PRDM10: variants seen among roughly 807,000 people sequenced by gnomAD.
PRDM10 encodes the protein PR/SET domain 10, also known as PR domain zinc finger protein 10.
In PRDM10, 65 loss-of-function variants were observed where a neutral mutation model predicts 133.1. The observed-to-expected ratio is 0.49, with a 90% CI of 0.40 to 0.60. The LOEUF is 0.60. PRDM10 is among the 20% of genes least tolerant of loss of function. The pLI is 0.00. For missense variants in PRDM10, 1,137 were observed against 1,507.1 expected, an observed-to-expected ratio of 0.75 and a Z score of 4.07; for synonymous variants, 582 against 580.4, an observed-to-expected ratio of 1.00 and a Z score of -0.04.
At chr11:129,944,485 T>C (rs1420128554) in intron 6 of PRDM10, among the ~76,000 whole-genome samples, 1 of 150,222 alleles carries the variant, frequency 6.7e-6, no homozygotes, top group Non-Finnish European at 1.5e-5. Flanking sequence ...CTCGGGAGGC[T>C]GAGGCAGGAG....
At chr11:129,944,320 C>A (rs562377368) in intron 6 of PRDM10, among the ~76,000 whole-genome samples, 2 of 151,992 alleles carry the variant, frequency 1.3e-5, no homozygotes, top group Non-Finnish European at 1.5e-5. Flanking sequence ...CTCGGCCGGG[C>A]GCGGTGGCTC....
intron 1 of PRDM10, among the ~76,000 whole-genome samples, chr11:129,990,391 G>A (rs1015824119): frequency 1.2e-4 from 18 of 150,716 alleles, no homozygotes; most frequent in African/African-American, 3.7e-4. Context: ...GCGTGGTGGC[G>A]CATGCCTGTA....
In PRDM10 at chr11:129,931,069, G is replaced by A. The variant is rs1473910146; in HGVS notation, c.1477C>T (p.Pro493Ser). Residue 493 changes from proline (P) to serine (S), a missense_variant, in exon 11 of 21, where the codon CCC (proline) becomes TCC (serine). Physicochemically the swap from Pro to Ser is moderately conservative, Grantham distance 74 (BLOSUM62 -1). This residue lies in a region of PRDM10 where 635 missense variants were observed against 835.2 expected (regional missense o/e 0.76). Coordinates refer to ENST00000360871, the MANE Select transcript of PRDM10 (RefSeq NM_199437.2). Reference sequence around the variant, plus strand: ...TCGGCTGTCAGCGTGCTCTGGGTGGGCACCACGCTCTCTTCATGCTGCGGC... The same window carrying A: ...TCGGCTGTCAGCGTGCTCTGGGTGGACACCACGCTCTCTTCATGCTGCGGC... ...LQPQHEESVV[P>S]TQSTLTADDM... 6.2e-7 allele frequency: 1 copy of A among 1,614,154 alleles called. No homozygotes were observed. Among genetic ancestry groups the A allele is most frequent in the Non-Finnish European group, 8.5e-7 (1 of 1,180,020 alleles).
At position 129,918,824 on chromosome 11, in the gene PRDM10, T is replaced by TC. The variant is rs1950437138; in HGVS notation, c.2035-107dup. 8.6e-7 allele frequency: 1 copy of TC among 1,168,042 alleles called. No individual in the cohort carries two copies. Among genetic ancestry groups the TC allele is most frequent in the East Asian group, 2.4e-5 (1 of 41,804 alleles). 72.4% of individuals were successfully genotyped at this position (1,168,042 alleles called of 1,614,324 possible). ...TACAAATTAGCAGTCACCACAAGCC[T>TC]CCAAGAGACATTTGAGTTGCTGGAA... On this transcript the variant is annotated intron_variant, in intron 13 of 20. Transcript: ENST00000360871. The surrounding 1 kb of genome is among the most constrained non-coding windows in gnomAD (Gnocchi z 5.3).
Position 129,918,845 on chromosome 11 carries a change from T to A in PRDM10, c.2035-127A>T. 1 of 945,876 alleles carries A rather than the reference T, an allele frequency of 1.1e-6. No individual in the cohort carries two copies. Among genetic ancestry groups the A allele is most frequent in the Non-Finnish European group, 1.6e-6 (1 of 624,406 alleles). 58.6% of individuals were successfully genotyped at this position (945,876 alleles called of 1,614,324 possible). ...AGCCTCCAAGAGACATTTGAGTTGC[T>A]GGAACACTAGGACGCAGACATGTTA... On this transcript the variant is annotated intron_variant, in intron 13 of 20. Transcript: ENST00000360871. The surrounding 1 kb of genome is among the most constrained non-coding windows in gnomAD (Gnocchi z 5.3).
rs111388550 is a variant in PRDM10 at position 129,935,568 on chromosome 11, T to C, written c.1040-350A>G. On this transcript the variant is annotated intron_variant, in intron 8 of 20. Transcript: ENST00000360871. ...ATAACCTAGCGATTCAGACCCAGGT[T>C]TCCTAATCTGAGGGTATATTTTAGC... Among the ~76,000 whole-genome samples the C allele has an allele frequency of 2.7e-3, 417 of 152,300 alleles. 2 individuals are homozygous for C. Among genetic ancestry groups the C allele is most frequent in the African/African-American group, 9.7e-3 (402 of 41,546 alleles).
At chr11:129,938,022 T>G (rs1951088512) in intron 7 of PRDM10, among the ~76,000 whole-genome samples, 2 of 152,218 alleles carry the variant, frequency 1.3e-5, no homozygotes, top group Admixed American at 1.3e-4. Flanking sequence ...TCATAGTGGT[T>G]GCCACCAAAC....
chr11:129,923,516 ACC>A lies in PRDM10; in HGVS notation c.1879-115_1879-114del. On this transcript the variant is annotated intron_variant, in intron 12 of 20. Transcript: ENST00000360871. The surrounding 1 kb of genome is among the most constrained non-coding windows in gnomAD (Gnocchi z 4.4). ...AACGCATTACCATGGGTTTTCATCA[ACC>A]CCGCCGAGGAATCCAATCAGATGTG... 1 of 1,172,778 alleles carries A rather than the reference ACC, an allele frequency of 8.5e-7. No individual in the cohort carries two copies. Among genetic ancestry groups the A allele is most frequent in the Non-Finnish European group, 1.2e-6 (1 of 862,522 alleles). 72.6% of individuals were successfully genotyped at this position (1,172,778 alleles called of 1,614,324 possible).
intron 1 of PRDM10, among the ~76,000 whole-genome samples, chr11:129,969,412 C>A (rs1040042529): frequency 1.3e-5 from 2 of 152,098 alleles, no homozygotes; most frequent in Non-Finnish European, 2.9e-5. Flanking sequence ...TTGGATTTAC[C>A]ACTTACAGCT....
chr11:129,935,064 T>C, intron 9 of PRDM10, 37 bp downstream of exon 9: 2 of 1,529,860 alleles, frequency 1.3e-6, no homozygotes, highest in Non-Finnish European at 9.1e-7. Flanking sequence ...TGAACCTTTA[T>C]GAACTCAGTC....
chr11:129,996,183 G>GT (rs1485356076), intron 1 of PRDM10, among the ~76,000 whole-genome samples: 1 of 152,128 alleles, frequency 6.6e-6, no homozygotes, highest in African/African-American at 2.4e-5. Context: ...ACAATACAAC[G>GT]TAAGCACTGA....
At chr11:129,937,454 G>A in intron 8 of PRDM10, 144 bp downstream of exon 8, 1 of 585,614 alleles carries the variant, frequency 1.7e-6, no homozygotes, top group Non-Finnish European at 2.9e-6. Flanking sequence ...CACTGAATTA[G>A]ATGGAGATGT....
rs551585039 is a variant in PRDM10, at chr11:129,931,733, A to AT, written c.1287+368dup. Among the ~76,000 whole-genome samples, 150 of 151,338 alleles carry AT rather than the reference A, an allele frequency of 9.9e-4. 1 individual carries two copies. In the East Asian group the frequency reaches 0.012, roughly 12 times the overall value. On this transcript the variant is annotated intron_variant, in intron 10 of 20. Transcript: ENST00000360871. ...AGGCGCCCGCCACTGCACCCAGCTAATTTTTTTTGTATTTTTAGTAGAGAC... is the reference window on the plus strand; with the variant it reads ...AGGCGCCCGCCACTGCACCCAGCTAATTTTTTTTTGTATTTTTAGTAGAGAC...
At chr11:129,903,695 A>G (rs937964659) in intron 20 of PRDM10, among the ~76,000 whole-genome samples, 1 of 152,180 alleles carries the variant, frequency 6.6e-6, no homozygotes, top group Admixed American at 6.5e-5. Flanking sequence ...CCCAGAAAAG[A>G]GCCATCGCCA....
chr11:129,927,781 CT>C (rs1299692425), intron 11 of PRDM10, among the ~76,000 whole-genome samples: 2 of 152,112 alleles, frequency 1.3e-5, no homozygotes, highest in Non-Finnish European at 2.9e-5. Context: ...CGTAAAAATG[CT>C]GAAACTGTCC....
At position 129,902,457 on chromosome 11, in the gene PRDM10, G is replaced by A. The variant is rs185651921; in HGVS notation, c.3327C>T (p.Leu1109=). Residue 1109 remains leucine (L), a synonymous_variant, in exon 21 of 21, where the codon CTC becomes CTT. Coordinates refer to ENST00000360871, the MANE Select transcript of PRDM10 (RefSeq NM_199437.2). The stretch of plus-strand genomic sequence containing the variant: ...GTGGCTCGACCTGGACTCCACCAGA[G>A]AGGGCAGAAGTTTGCTTTTCTTCCA... ...SELEEKQTSA[L]SGGVQVEPPA... is the part of the protein sequence containing the mutation. 1.9e-6 allele frequency: 3 copies of A among 1,614,216 alleles called. No homozygotes were observed. The highest frequency in any genetic ancestry group is 1.3e-5 in the African/African-American group (1 of 75,044).
chr11:129,985,630 A>G (rs868413446), intron 1 of PRDM10, among the ~76,000 whole-genome samples: 1 of 151,620 alleles, frequency 6.6e-6, no homozygotes, highest in African/African-American at 2.4e-5. Context: ...TGTCTCTACA[A>G]AAAGTTAGCC....
At chr11:129,919,709 ACT>A (rs1161803758) in intron 13 of PRDM10, among the ~76,000 whole-genome samples, 1 of 152,060 alleles carries the variant, frequency 6.6e-6, no homozygotes, top group Non-Finnish European at 1.5e-5. Flanking sequence ...TCCCATAAAG[ACT>A]CTGAGGCTTT....
chr11:129,957,166 C>T (rs557291042), intron 3 of PRDM10, among the ~76,000 whole-genome samples: 1 of 152,268 alleles, frequency 6.6e-6, no homozygotes, highest in African/African-American at 2.4e-5. Context: ...CCATTTTTGG[C>T]CTGGTTCTTG....
Sources: gnomAD v4.1 joint callset for allele counts (sites outside exome capture counted in the v4.1 genomes callset) on GRCh38, gnomAD v4.1.1 for gene constraint, gnomAD v4.1.1 regional missense constraint, Gnocchi (gnomAD v3.1) non-coding constraint, MANE v1.5 for transcripts, NCBI Gene and HGNC (gene_info 2026-07-23, HGNC 2026-07-21) for gene names.